Variants in ZNF536 observed in about 807,000 individuals in gnomAD.
The protein encoded by ZNF536 is zinc finger protein 536.
A neutral mutation model predicts 84.5 loss-of-function variants in ZNF536; 13 were observed. That is an observed-to-expected ratio of 0.15 (90% confidence interval 0.10 to 0.24). ZNF536 has a LOEUF of 0.24. ZNF536 is among the 10% of genes least tolerant of loss of function. ZNF536 has a pLI of 1.00. For missense variants in ZNF536, 1,536 were observed against 1,747.5 expected (o/e 0.88, Z 2.16); for synonymous variants, 811 against 742.5 (o/e 1.09, Z -1.50).
intron 1 of ZNF536, among the ~76,000 whole-genome samples, chr19:30,421,900 T>G (rs1158931795): frequency 3.3e-5 from 5 of 152,252 alleles, no homozygotes; most frequent in Admixed American, 1.3e-4. Context: ...GTTCTCTTTT[T>G]ATTTATTTTT....
At chr19:30,572,205 G>A (rs2046572339) in intron 1 of ZNF536, among the ~76,000 whole-genome samples, 1 of 152,198 alleles carries the variant, frequency 6.6e-6, no homozygotes, top group South Asian at 2.1e-4. Context: ...GCCCTTCTCT[G>A]GAAAAGGAAC....
chr19:30,656,438 A>T (rs1393141264), intron 1 of ZNF536, among the ~76,000 whole-genome samples: 1 of 152,190 alleles, frequency 6.6e-6, no homozygotes, highest in African/African-American at 2.4e-5. Context: ...CCTTGGCTGG[A>T]GCACGTTGCA....
In ZNF536 at chr19:30,344,886, A is replaced by G. The variant is rs545613378; in HGVS notation, c.-119-7482A>G. 7.2e-5 allele frequency among the ~76,000 whole-genome samples: 11 copies of G among 152,290 alleles called. No individual in the cohort carries two copies. The East Asian group carries it at 2.1e-3, about 29-fold the overall frequency. ...TAGTTCTTGGCCCTGTGATCTTGTC[A>G]CTACGTGATACTGCTTGTCTAGTGA... On this transcript the variant is annotated intron_variant, in intron 2 of 5. Transcript: ENST00000585628.
chr19:30,622,715 C>T (rs2048527320), intron 1 of ZNF536, among the ~76,000 whole-genome samples: 2 of 152,160 alleles, frequency 1.3e-5, no homozygotes, highest in African/African-American at 4.8e-5. Flanking sequence ...GGTTGAAGGC[C>T]CAGCTTTGGG....
chr19:30,328,898 A>C (rs943641476), intron 2 of ZNF536, among the ~76,000 whole-genome samples: 1 of 152,142 alleles, frequency 6.6e-6, no homozygotes, highest in Non-Finnish European at 1.5e-5. Context: ...TTTGTTCTCG[A>C]TTTCTCTCTC....
At chr19:30,671,757 G>C (rs929471052) in intron 1 of ZNF536, among the ~76,000 whole-genome samples, 1 of 152,178 alleles carries the variant, frequency 6.6e-6, no homozygotes, top group African/African-American at 2.4e-5. Context: ...CATTTGTTCA[G>C]TGACGAACAA....
chr19:30,511,376 T>G (rs1452622434), intron 2 of ZNF536, among the ~76,000 whole-genome samples: 1 of 152,164 alleles, frequency 6.6e-6, no homozygotes, highest in Non-Finnish European at 1.5e-5. Context: ...ACACAAACCA[T>G]AAAAAAGCCT....
At chr19:30,695,847 A>G (rs2051635035) in intron 1 of ZNF536, among the ~76,000 whole-genome samples, 1 of 152,156 alleles carries the variant, frequency 6.6e-6, no homozygotes, top group Admixed American at 6.5e-5. Context: ...GGCTGTCACC[A>G]TCTCTGCTAA....
At chr19:30,346,185 C>T (rs1225811229) in intron 2 of ZNF536, among the ~76,000 whole-genome samples, 2 of 152,152 alleles carry the variant, frequency 1.3e-5, no homozygotes, top group African/African-American at 4.8e-5. Context: ...AAGGGAAGGG[C>T]TCAGGGTTCT....
chr19:30,264,855 G>A lies in ZNF536; in HGVS notation c.-189-19217G>A, dbSNP rs973453518. On this transcript the variant is annotated intron_variant, in intron 1 of 5. Transcript: ENST00000585628. ...GGCTTAGTTAGGGGATCCGCTCCAA[G>A]CTCCACACCAGGCTGTGAGGACAGA... Among the ~76,000 whole-genome samples the A allele has an allele frequency of 7.9e-5, 12 of 152,000 alleles. 1 individual carries two copies. The East Asian group carries it at 2.3e-3, about 30-fold the overall frequency.
chr19:30,608,663 T>A (rs2047982111), intron 1 of ZNF536, among the ~76,000 whole-genome samples: 1 of 152,194 alleles, frequency 6.6e-6, no homozygotes. Flanking sequence ...TCTAAGGAAC[T>A]GGGCCCCAGC....
chr19:30,410,465 C>CTTTTTTTTTTTTTT lies in ZNF536; in HGVS notation c.-2-33082_-2-33069dup, dbSNP rs201561646. On this transcript the variant is annotated intron_variant, in intron 1 of 4. Transcript: ENST00000355537. The stretch of plus-strand genomic sequence containing the variant: ...TAAATAAACAATGAAAAGTGAAGGT[C>CTTTTTTTTTTTTTT]TTTTTTTTTTTTTTTTTTTTTTTTT... Among the ~76,000 whole-genome samples the CTTTTTTTTTTTTTT allele has an allele frequency of 4.9e-5, 6 of 122,622 alleles. 2 individuals are homozygous for CTTTTTTTTTTTTTT. The highest frequency in any genetic ancestry group is 2.4e-4 in the African/African-American group (6 of 24,972). 80.4% of individuals were successfully genotyped at this position (122,622 alleles called of 152,430 possible).
In ZNF536 at chr19:30,670,330, C is replaced by T. The variant is rs74601497; in HGVS notation, c.170-40427C>T. ...TCGAATCCCGTCTTTTGCCCTCATT[C>T]GCTGAGTGGCCTTGGAAAACTGTGG... On this transcript the variant is annotated intron_variant, in intron 1 of 1. Transcript: ENST00000592773. Among the ~76,000 whole-genome samples, 402 of 152,300 alleles carry T rather than the reference C, an allele frequency of 2.6e-3. 2 individuals carry two copies. The highest frequency in any genetic ancestry group is 9.3e-3 in the African/African-American group (388 of 41,552).
intron 1 of ZNF536, among the ~76,000 whole-genome samples, chr19:30,693,831 T>C (rs1207165167): frequency 6.6e-6 from 1 of 152,212 alleles, no homozygotes; most frequent in East Asian, 1.9e-4. Context: ...TGGGTATGGA[T>C]TGCGGGTGTC....
chr19:30,616,881 G>A (rs2048314398), intron 1 of ZNF536, among the ~76,000 whole-genome samples: 3 of 151,752 alleles, frequency 2.0e-5, no homozygotes, highest in African/African-American at 4.8e-5. Flanking sequence ...GGTCAATTTC[G>A]GTAACTACCC....
At chr19:30,321,782 T>TTTC (rs1348901238) in intron 2 of ZNF536, among the ~76,000 whole-genome samples, 24 of 142,568 alleles carry the variant, frequency 1.7e-4, no homozygotes, top group Admixed American at 1.0e-3. Flanking sequence ...TCTTTCTTTC[T>TTTC]TTTTTTTTTT....
chr19:30,315,010 G>A (rs1600187976), intron 2 of ZNF536, among the ~76,000 whole-genome samples: 1 of 152,160 alleles, frequency 6.6e-6, no homozygotes, highest in Admixed American at 6.5e-5. Context: ...TCCCCACCAC[G>A]CCTACTAGTT....
intron 1 of ZNF536, among the ~76,000 whole-genome samples, chr19:30,637,006 C>T (rs1431713772): frequency 6.6e-6 from 1 of 152,202 alleles, no homozygotes; most frequent in Admixed American, 6.5e-5. Context: ...AGGATTCTGT[C>T]ACCTACAGTT....
chr19:30,549,215 A>G lies in ZNF536; in HGVS notation c.3596A>G (p.Lys1199Arg), dbSNP rs1303025566. The change falls in exon 4 of 5, where the codon AAA (lysine) becomes AGA (arginine). Residue 1199 changes from lysine to arginine, a missense_variant. Physicochemically the swap from Lys to Arg is conservative, Grantham distance 26. Coordinates refer to ENST00000355537, the MANE Select transcript of ZNF536 (RefSeq NM_014717.3). ...MMTKPLSALS[K>R]DSSSDGGDSL... is the part of the protein sequence containing the mutation. ...ACCAAGCCACTGTCTGCCCTCAGCA[A>G]AGACAGCAGCAGCGATGGCGGGGAC... The G allele has an allele frequency of 1.2e-6, 2 of 1,613,972 alleles. No homozygotes were observed. Among genetic ancestry groups the G allele is most frequent in the Non-Finnish European group, 1.7e-6 (2 of 1,180,044 alleles).
Sources: allele counts gnomAD v4.1 joint callset (sites outside exome capture counted in the v4.1 genomes callset), GRCh38; gene constraint gnomAD v4.1.1; transcripts MANE v1.5; gene names NCBI Gene and HGNC (gene_info 2026-07-23, HGNC 2026-07-21).